GPR132: variants seen among roughly 807,000 people sequenced by gnomAD.
GPR132 encodes the protein G protein-coupled receptor 132.
Under a neutral mutation model 1.9 loss-of-function variants are expected in GPR132, and 4 were observed. The ratio of observed to expected loss-of-function variants is 2.13; its 90% CI spans 1.05 to 4.87. The LOEUF is 4.87. GPR132 is among the 30% of genes most tolerant of loss of function. The probability of loss-of-function intolerance (pLI) is 0.01; values close to 1 mark genes in which losing one functional copy is unlikely to be tolerated. For synonymous variants in GPR132, 233 were observed against 234.2 expected (o/e 0.99, Z 0.05); for missense variants, 404 against 512.5 (o/e 0.79, Z 2.04).
At position 105,065,422 on chromosome 14, in the gene GPR132, G is replaced by A. The variant is rs1887059281; in HGVS notation, c.-904C>T. 1 of 152,286 alleles carries A rather than the reference G, an allele frequency of 6.6e-6. No homozygotes were observed. The highest frequency in any genetic ancestry group is 2.1e-4 in the South Asian group (1 of 4,836). The allele number at this position is 152,286 out of a possible 1,614,324, so 9.4% of individuals were successfully genotyped here. A position where few individuals can be genotyped will look rare whatever the true frequency, so the allele number is the denominator to read the frequency against. On this transcript the variant is annotated 5_prime_UTR_variant, in exon 1 of 4. Transcript: ENST00000329797. ...GGCTAGCCTCGCACCCCTCCCTGCA[G>A]TCCTAGCTGAGGTTTCAGGAAGTAG...
chr14:105,061,338 C>T lies in GPR132; in HGVS notation c.-861+4041G>A, dbSNP rs116055588. 6.0e-3 allele frequency among the ~76,000 whole-genome samples: 911 copies of T among 152,352 alleles called. 5 individuals are homozygous for T. Among genetic ancestry groups the T allele is most frequent in the African/African-American group, 0.021 (878 of 41,594 alleles). ...CCTCAGGCAGCCCACCGGCCTCTTCCGAGGGCCTTCCTGGACCAGGGTCCG... is the reference window on the plus strand; with the variant it reads ...CCTCAGGCAGCCCACCGGCCTCTTCTGAGGGCCTTCCTGGACCAGGGTCCG... On this transcript the variant is annotated intron_variant, in intron 1 of 3. Coordinates refer to ENST00000329797, the MANE Select transcript of GPR132 (RefSeq NM_013345.4).
At chr14:105,054,422 T>G in intron 3 of GPR132, 3 of 928,060 alleles carry the variant, frequency 3.2e-6, no homozygotes, top group Non-Finnish European at 3.8e-6. Flanking sequence ...TCGCTCTTTT[T>G]TTTTCTTTTT....
rs1009185954 is a variant in GPR132 at position 105,056,249 on chromosome 14, G to A, written c.-746-83C>T. ...TTCGCCCAAGACACAGGCCTGTGGC[G>A]GGCGGCGGGGGGCAGTGAAGGCAGT... On this transcript the variant is annotated intron_variant, in intron 2 of 3. Transcript: ENST00000329797. The surrounding 1 kb of genome is among the most constrained non-coding windows in gnomAD (Gnocchi z 6.0). 9.6e-5 allele frequency: 76 copies of A among 792,304 alleles called. No individual in the cohort carries two copies. The highest frequency in any genetic ancestry group is 1.1e-4 in the Non-Finnish European group (72 of 653,722). The allele number at this position is 792,304 out of a possible 1,614,324, so 49.1% of individuals were successfully genotyped here. A position where few individuals can be genotyped will look rare whatever the true frequency, so the allele number is the denominator to read the frequency against.
rs200425173 is a variant in GPR132, at chr14:105,053,180, G to GTC, written c.35-1080_35-1079dup. Among the ~76,000 whole-genome samples the GTC allele has an allele frequency of 2.9e-3, 372 of 130,394 alleles. 3 individuals carry two copies. The highest frequency in any genetic ancestry group is 0.01 in the African/African-American group (347 of 34,298). 85.5% of individuals were successfully genotyped at this position (130,394 alleles called of 152,430 possible). ...TTTTTTTTTTTTTTTTGGAGATGGAGTCTCTCCCTCTGCTCTGTTGCCCAG... is the reference window on the plus strand; with the variant it reads ...TTTTTTTTTTTTTTTTGGAGATGGAGTCTCTCTCCCTCTGCTCTGTTGCCCAG... On this transcript the variant is annotated intron_variant, in intron 3 of 3. Transcript: ENST00000329797.
rs534120563 is a variant in GPR132, at chr14:105,056,690, C to T, written c.-747+477G>A. Among the ~76,000 whole-genome samples, 13 of 152,346 alleles carry T rather than the reference C, an allele frequency of 8.5e-5. No homozygotes were observed. Among genetic ancestry groups the T allele is most frequent in the Middle Eastern group, 3.4e-3 (1 of 294 alleles). ...GACCTTCACCTCTGGACACCAGGTC[C>T]GTGGTGTCTGTGGCTCTGTGCCCAT... On this transcript the variant is annotated intron_variant, in intron 2 of 3. Coordinates refer to ENST00000329797, the MANE Select transcript of GPR132 (RefSeq NM_013345.4). This position sits in a 1 kb window ranked among gnomAD's most constrained non-coding sequence, Gnocchi z 6.0.
chr14:105,051,218 T>C lies in GPR132; in HGVS notation c.919A>G (p.Ile307Val). 4 of 1,613,708 alleles carry C rather than the reference T, an allele frequency of 2.5e-6. No homozygotes were observed. Among genetic ancestry groups the C allele is most frequent in the Non-Finnish European group, 3.4e-6 (4 of 1,179,698 alleles). The change falls in exon 4 of 4, where the codon ATC (isoleucine) becomes GTC (valine). Residue 307 changes from isoleucine (I) to valine (V), a missense_variant. Physicochemically the swap from Ile to Val is conservative, Grantham distance 29. Transcript: ENST00000329797. This position sits in a 1 kb window ranked among gnomAD's most constrained non-coding sequence, Gnocchi z 8.0. ...STVNGVADPI[I>V]YVLATDHSRQ... The stretch of plus-strand genomic sequence containing the variant: ...GAATGGTCCGTGGCCAGCACGTAGA[T>C]AATGGGGTCAGCCACGCCGTTCACC...
intron 3 of GPR132, chr14:105,054,399 CG>C (rs1886731051): frequency 1.0e-6 from 1 of 983,262 alleles, no homozygotes; most frequent in African/African-American, 1.8e-5. Context: ...GTCAGCCCTG[CG>C]GCCCCATTGT....
Position 105,051,069 on chromosome 14 carries a change from G to A in GPR132, c.1068C>T (p.His356=). The A allele has an allele frequency of 4.3e-6, 7 of 1,614,182 alleles. No homozygotes were observed. The highest frequency in any genetic ancestry group is 5.9e-6 in the Non-Finnish European group (7 of 1,180,010). The change falls in exon 4 of 4, where the codon CAC becomes CAT. Residue 356 remains histidine (H), a synonymous_variant. Coordinates refer to ENST00000329797, the MANE Select transcript of GPR132 (RefSeq NM_013345.4). The surrounding 1 kb of genome is among the most constrained non-coding windows in gnomAD (Gnocchi z 8.0). ...ELQSPVALAD[H]YTFSRPVHPP... is the part of the protein sequence containing the mutation. ...GGTGCACGGGCCTGGAGAAGGTGTAGTGGTCTGCAAGGGCCACGGGCGACT... is the reference window on the plus strand; with the variant it reads ...GGTGCACGGGCCTGGAGAAGGTGTAATGGTCTGCAAGGGCCACGGGCGACT...
At chr14:105,058,236 G>A (rs971157685) in intron 1 of GPR132, among the ~76,000 whole-genome samples, 14 of 152,034 alleles carry the variant, frequency 9.2e-5, no homozygotes, top group Non-Finnish European at 1.3e-4. Flanking sequence ...TGGTGCACAC[G>A]TGTAGTCCCA....
chr14:105,061,938 G>T (rs1429749689), intron 1 of GPR132, among the ~76,000 whole-genome samples: 1 of 152,214 alleles, frequency 6.6e-6, no homozygotes, highest in African/African-American at 2.4e-5. Flanking sequence ...CGGAGGCTTG[G>T]GTAGGGGATA....
Position 105,053,461 on chromosome 14 carries a change from A to G in GPR132, c.35-1359T>C, listed in dbSNP as rs564026108. Among the ~76,000 whole-genome samples, 14 of 152,242 alleles carry G rather than the reference A, an allele frequency of 9.2e-5. No individual in the cohort carries two copies. In the South Asian group the frequency reaches 2.9e-3, roughly 32 times the overall value. On this transcript the variant is annotated intron_variant, in intron 3 of 3. Coordinates refer to ENST00000329797, the MANE Select transcript of GPR132 (RefSeq NM_013345.4). ...AGGCGTGAGCCACTGCGCCCGGCTA[A>G]TCTGTAGTCTTACCACATATTTGCC... is the stretch of plus-strand genomic sequence containing the variant.
At chr14:105,057,511 C>CTTTTTTTTTTT (rs11299805) in intron 1 of GPR132, 2 of 88,528 alleles carry the variant, frequency 2.3e-5, no homozygotes, top group African/African-American at 4.3e-5. Flanking sequence ...ACATACGATT[C>CTTTTTTTTTTT]TTTTTTTTTT....
Position 105,051,597 on chromosome 14 carries a change from C to G in GPR132, c.540G>C (p.Thr180=). The G allele has an allele frequency of 6.2e-7, 1 of 1,613,988 alleles. No individual in the cohort carries two copies. Among genetic ancestry groups the G allele is most frequent in the Non-Finnish European group, 8.5e-7 (1 of 1,180,034 alleles). ...VGIVHYPVFQ[T]EDKETCFDML... is the part of the protein sequence containing the mutation. ...TGTCAAAGCAGGTCTCCTTGTCTTCCGTCTGGAACACCGGGTAGTGAACGA... is the reference window on the plus strand; with the variant it reads ...TGTCAAAGCAGGTCTCCTTGTCTTCGGTCTGGAACACCGGGTAGTGAACGA... The change falls in exon 4 of 4, where the codon ACG becomes ACC. Residue 180 remains threonine (T), a synonymous_variant. Transcript: ENST00000329797. The surrounding 1 kb of genome is among the most constrained non-coding windows in gnomAD (Gnocchi z 8.0).
In GPR132 at chr14:105,051,165, C is replaced by T; in HGVS notation, c.972G>A (p.Lys324=). ...HSRQEVSRIH[K]GWKEWSMKTD... is the part of the protein sequence containing the mutation. ...TCTTCATGGACCACTCTTTCCACCC[C>T]TTATGGATTCTGGACACTTCTTGGC... Residue 324 remains lysine (K), a synonymous_variant, in exon 4 of 4, where the codon AAG becomes AAA. Transcript: ENST00000329797. This position sits in a 1 kb window ranked among gnomAD's most constrained non-coding sequence, Gnocchi z 8.0. 15 of 1,614,194 alleles carry T rather than the reference C, an allele frequency of 9.3e-6. No individual in the cohort carries two copies. Among genetic ancestry groups the T allele is most frequent in the Non-Finnish European group, 1.3e-5 (15 of 1,180,030 alleles).
intron 1 of GPR132, among the ~76,000 whole-genome samples, chr14:105,058,715 C>G (rs961418389): frequency 1.3e-5 from 2 of 152,200 alleles, no homozygotes; most frequent in Non-Finnish European, 2.9e-5. Flanking sequence ...ATGAGGGGCC[C>G]GGAGGAGGGA....
intron 1 of GPR132, among the ~76,000 whole-genome samples, chr14:105,061,529 G>C (rs1453528147): frequency 6.6e-6 from 1 of 152,216 alleles, no homozygotes; most frequent in Non-Finnish European, 1.5e-5. Flanking sequence ...GTCGCGGTCT[G>C]TCCTGGCCCG....
At position 105,051,068 on chromosome 14, in the gene GPR132, A is replaced by C. The variant is rs768748272; in HGVS notation, c.1069T>G (p.Tyr357Asp). ...LQSPVALADH[Y>D]TFSRPVHPPG... The stretch of plus-strand genomic sequence containing the variant: ...GGGTGCACGGGCCTGGAGAAGGTGT[A>C]GTGGTCTGCAAGGGCCACGGGCGAC... The change falls in exon 4 of 4, where the codon TAC (tyrosine) becomes GAC (aspartate). Residue 357 changes from tyrosine (Y) to aspartate (D), a missense_variant. Coordinates refer to ENST00000329797, the MANE Select transcript of GPR132 (RefSeq NM_013345.4). The surrounding 1 kb of genome is among the most constrained non-coding windows in gnomAD (Gnocchi z 8.0). 6.2e-7 allele frequency: 1 copy of C among 1,614,132 alleles called. No individual in the cohort carries two copies. Among genetic ancestry groups the C allele is most frequent in the Non-Finnish European group, 8.5e-7 (1 of 1,179,990 alleles).
At position 105,055,752 on chromosome 14, in the gene GPR132, G is replaced by C. The variant is rs1047905848; in HGVS notation, c.-332C>G. On this transcript the variant is annotated 5_prime_UTR_variant, in exon 3 of 4. Coordinates refer to ENST00000329797, the MANE Select transcript of GPR132 (RefSeq NM_013345.4). The surrounding 1 kb of genome is among the most constrained non-coding windows in gnomAD (Gnocchi z 4.7). The stretch of plus-strand genomic sequence containing the variant: ...TATTCAGTGTGTCCTCCAGGGTCTC[G>C]CCAAAAATATAAATATATATATATA... 2.8e-6 allele frequency: 1 copy of C among 360,366 alleles called. No homozygotes were observed. The allele number at this position is 360,366 out of a possible 1,614,324, so 22.3% of individuals were successfully genotyped here. A position where few individuals can be genotyped will look rare whatever the true frequency, so the allele number is the denominator to read the frequency against.
At chr14:105,062,540 CTTTTT>C (rs59869492) in intron 1 of GPR132, among the ~76,000 whole-genome samples, 12 of 128,684 alleles carry the variant, frequency 9.3e-5, no homozygotes, top group African/African-American at 3.0e-4. Context: ...CTTTTCTTTT[CTTTTT>C]TTTTTTTTTT....
Sources: gnomAD v4.1 joint callset for allele counts (sites outside exome capture counted in the v4.1 genomes callset) on GRCh38, gnomAD v4.1.1 for gene constraint, Gnocchi (gnomAD v3.1) non-coding constraint, MANE v1.5 for transcripts, NCBI Gene and HGNC (gene_info 2026-07-23, HGNC 2026-07-21) for gene names.